PRELID2: variants seen among roughly 807,000 people sequenced by gnomAD.
PRELID2 encodes the protein PRELI domain-containing protein 2.
Under a neutral mutation model 28.4 loss-of-function variants are expected in PRELID2, and 25 were observed. That is an observed-to-expected ratio of 0.88 (90% CI 0.64 to 1.23). The LOEUF is 1.23. PRELID2 is among the 50% of genes most tolerant of loss of function. PRELID2 has a pLI of 0.00. For synonymous variants in PRELID2, 76 were observed against 71.6 expected (o/e 1.06, Z -0.31); for missense variants, 201 against 214.4 (o/e 0.94, Z 0.39).
intron 4 of PRELID2, among the ~76,000 whole-genome samples, chr5:145,808,542 T>C (rs1753705591): frequency 6.6e-6 from 1 of 151,912 alleles, no homozygotes; most frequent in African/African-American, 2.4e-5. Context: ...TATTAGAGAG[T>C]GAAGAATATT....
At chr5:145,799,884 T>G (rs1753012904) in intron 4 of PRELID2, among the ~76,000 whole-genome samples, 1 of 152,220 alleles carries the variant, frequency 6.6e-6, no homozygotes, top group South Asian at 2.1e-4. Context: ...CATTCCTTAA[T>G]GCTTTTAGGC....
rs150803727 is a variant in PRELID2, at chr5:145,528,025, C to T, written n.71-54710G>A. Among the ~76,000 whole-genome samples, 26 of 152,158 alleles carry T rather than the reference C, an allele frequency of 1.7e-4. No individual in the cohort carries two copies. The East Asian group carries it at 5.0e-3, about 30-fold the overall frequency. ...TTGCATATTATGTCCCATCTCCCAGCGACCACCTATCACCTACTCACCCTC... is the reference window on the plus strand; with the variant it reads ...TTGCATATTATGTCCCATCTCCCAGTGACCACCTATCACCTACTCACCCTC... On this transcript the variant is annotated intron_variant and non_coding_transcript_variant, in intron 1 of 2. Transcript: ENST00000510259.
the PRELID2 span, among the ~76,000 whole-genome samples, chr5:145,287,440 C>T: frequency 6.6e-6 from 1 of 152,020 alleles, no homozygotes; most frequent in Non-Finnish European, 1.5e-5. Context: ...AAGTGACTAA[C>T]AAATATGCTG....
At chr5:145,437,420 A>G in the PRELID2 span, among the ~76,000 whole-genome samples, 4 of 152,172 alleles carry the variant, frequency 2.6e-5, no homozygotes, top group African/African-American at 9.6e-5. Flanking sequence ...GAATTTACCT[A>G]ATTCCCAAAG....
chr5:145,612,039 A>C (rs1753624234), intron 1 of PRELID2, among the ~76,000 whole-genome samples: 1 of 152,334 alleles, frequency 6.6e-6, no homozygotes, highest in Non-Finnish European at 1.5e-5. Context: ...AGCAGTGTGA[A>C]AACCAGGTGT....
chr5:145,590,002 C>T (rs1753206293), intron 1 of PRELID2, among the ~76,000 whole-genome samples: 1 of 152,144 alleles, frequency 6.6e-6, no homozygotes, highest in Non-Finnish European at 1.5e-5. Context: ...CTTATATGTA[C>T]TACATATGAA....
rs372097264 is a variant in PRELID2 at position 145,646,833 on chromosome 5, G to A, written n.70+118098C>T. ...TCCACTCCAGACCCTGTTTGCCTGC[G>A]TATCACCAGCGGAGGCTGCAGTACA... On this transcript the variant is annotated intron_variant and non_coding_transcript_variant, in intron 1 of 2. Coordinates refer to the PRELID2 transcript ENST00000510259. 1.1e-4 allele frequency among the ~76,000 whole-genome samples: 17 copies of A among 152,298 alleles called. 1 individual carries two copies. The East Asian group carries it at 1.7e-3, about 16-fold the overall frequency.
At chr5:145,551,298 G>C (rs1325229969) in intron 1 of PRELID2, among the ~76,000 whole-genome samples, 1 of 152,032 alleles carries the variant, frequency 6.6e-6, no homozygotes, top group African/African-American at 2.4e-5. Flanking sequence ...CTACTCGGGA[G>C]GCTGAGGCAG....
At chr5:145,749,063 G>A (rs1011171844) in intron 1 of PRELID2, among the ~76,000 whole-genome samples, 1 of 152,072 alleles carries the variant, frequency 6.6e-6, no homozygotes, top group African/African-American at 2.4e-5. Context: ...ACATAGGCGT[G>A]GGCAGAGACT....
the PRELID2 span, among the ~76,000 whole-genome samples, chr5:145,336,594 C>T: frequency 1.3e-5 from 2 of 151,926 alleles, no homozygotes; most frequent in Non-Finnish European, 2.9e-5. Context: ...AGATATGTGG[C>T]GTTATTTCTG....
intron 1 of PRELID2, among the ~76,000 whole-genome samples, chr5:145,608,863 CT>C (rs575467929): frequency 1.3e-5 from 2 of 152,300 alleles, no homozygotes; most frequent in African/African-American, 4.8e-5. Context: ...CTCTTCTTCC[CT>C]TTCAGGGACA....
chr5:145,720,154 A>T (rs1383331058), intron 1 of PRELID2, among the ~76,000 whole-genome samples: 1 of 151,836 alleles, frequency 6.6e-6, no homozygotes, highest in Non-Finnish European at 1.5e-5. Context: ...TCTCTGAAAA[A>T]GAAAAAAGAA....
chr5:145,603,025 C>T (rs1045141861), intron 1 of PRELID2, among the ~76,000 whole-genome samples: 1 of 152,060 alleles, frequency 6.6e-6, no homozygotes, highest in Non-Finnish European at 1.5e-5. Flanking sequence ...GCACTCCAGC[C>T]TGGGTGACAA....
chr5:145,824,416 C>A (rs1388355445), intron 1 of PRELID2, among the ~76,000 whole-genome samples: 1 of 101,812 alleles, frequency 9.8e-6, no homozygotes, highest in African/African-American at 3.3e-5. Flanking sequence ...GGTCTCCACC[C>A]ACAGCAGGCG....
chr5:145,486,317 G>A (rs1752216989), intron 1 of PRELID2, among the ~76,000 whole-genome samples: 3 of 152,174 alleles, frequency 2.0e-5, no homozygotes, highest in Admixed American at 2.0e-4. Context: ...AGTCAGTAAG[G>A]ATAAGAATCT....
At chr5:145,387,374 A>T in the PRELID2 span, among the ~76,000 whole-genome samples, 1 of 152,142 alleles carries the variant, frequency 6.6e-6, no homozygotes, top group East Asian at 1.9e-4. Flanking sequence ...CATTTAACAG[A>T]TGTGAGAAGT....
intron 1 of PRELID2, among the ~76,000 whole-genome samples, chr5:145,563,850 T>G (rs1379209665): frequency 1.3e-5 from 2 of 152,216 alleles, no homozygotes; most frequent in Non-Finnish European, 2.9e-5. Context: ...AGACATTTAA[T>G]GTACAGCATG....
intron 1 of PRELID2, among the ~76,000 whole-genome samples, chr5:145,481,642 A>G (rs1580953217): frequency 6.8e-6 from 1 of 146,972 alleles, no homozygotes; most frequent in African/African-American, 2.5e-5. Flanking sequence ...AAAAAAAAAA[A>G]AAAAAAAAAA....
At chr5:145,309,760 T>G in the PRELID2 span, among the ~76,000 whole-genome samples, 1 of 152,266 alleles carries the variant, frequency 6.6e-6, no homozygotes, top group Non-Finnish European at 1.5e-5. Context: ...TTGCACAAAT[T>G]ATGGAAGATG....
Sources: allele counts gnomAD v4.1 joint callset (sites outside exome capture counted in the v4.1 genomes callset), GRCh38; gene constraint gnomAD v4.1.1; transcripts MANE v1.5; gene names NCBI Gene and HGNC (gene_info 2026-07-23, HGNC 2026-07-21).